Variants in UBAC2 observed in about 807,000 individuals in gnomAD.
The protein encoded by UBAC2 is UBA domain containing 2.
A neutral mutation model predicts 44.0 loss-of-function variants in UBAC2; 26 were observed. That is an observed-to-expected ratio of 0.59 (90% CI 0.43 to 0.82). The LOEUF is 0.82. Ranked by LOEUF, UBAC2 falls within the 40% of genes least tolerant of loss-of-function variation. The pLI is 0.00. For missense variants in UBAC2, 329 were observed against 419.4 expected, an observed-to-expected ratio of 0.78 and a Z score of 1.88; for synonymous variants, 155 against 154.3, an observed-to-expected ratio of 1.00 and a Z score of -0.04.
intron 7 of UBAC2, among the ~76,000 whole-genome samples, chr13:99,347,461 G>T (rs2045008662): frequency 6.6e-6 from 1 of 151,932 alleles, no homozygotes; most frequent in Non-Finnish European, 1.5e-5. Flanking sequence ...CTGGAAGTGG[G>T]GGAAGGTCAA....
chr13:99,310,324 C>T (rs72649512), intron 4 of UBAC2, among the ~76,000 whole-genome samples: 38,139 of 152,078 alleles, frequency 0.25, 5,971 homozygotes, highest in Non-Finnish European at 0.34. Context: ...TGACAGATAC[C>T]GGTGTCTCAA....
intron 1 of UBAC2, among the ~76,000 whole-genome samples, chr13:99,208,838 G>C (rs2042906325): frequency 6.6e-6 from 1 of 152,194 alleles, no homozygotes; most frequent in Non-Finnish European, 1.5e-5. Context: ...GCTTCAGTGG[G>C]CTCTTCAGAG....
chr13:99,210,605 G>A (rs1207781306), intron 1 of UBAC2, among the ~76,000 whole-genome samples: 1 of 151,626 alleles, frequency 6.6e-6, no homozygotes, highest in Non-Finnish European at 1.5e-5. Context: ...AGCCTCCTGA[G>A]TAGCTGGGAT....
chr13:99,328,281 C>G (rs2044667638), intron 6 of UBAC2, among the ~76,000 whole-genome samples: 1 of 152,044 alleles, frequency 6.6e-6, no homozygotes, highest in Non-Finnish European at 1.5e-5. Flanking sequence ...GAGTTGCTTC[C>G]AGGTTTGGAT....
At chr13:99,317,393 C>G (rs553028553) in intron 5 of UBAC2, among the ~76,000 whole-genome samples, 1 of 152,144 alleles carries the variant, frequency 6.6e-6, no homozygotes, top group South Asian at 2.1e-4. Flanking sequence ...AAGATATAAA[C>G]GATTTGGAAA....
chr13:99,232,399 G>GATATATATATATATATATATATATATAT lies in UBAC2; in HGVS notation c.32-6023_32-6022insTATATATATATATATATATATATATATA, dbSNP rs1555321112. ...AGACCCTGTCCATCCTTAGTTGAGA[G>GATATATATATATATATATATATATATAT]ATATAGATATATATATATATATTCA... is the stretch of plus-strand genomic sequence containing the variant. On this transcript the variant is annotated intron_variant, in intron 1 of 8. Transcript: ENST00000403766. 3.3e-3 allele frequency among the ~76,000 whole-genome samples: 365 copies of GATATATATATATATATATATATATATAT among 109,780 alleles called. 27 individuals carry two copies. The highest frequency in any genetic ancestry group is 8.0e-3 in the East Asian group (27 of 3,374). The allele number at this position is 109,780 out of a possible 152,430, so 72.0% of individuals were successfully genotyped here. A position where few individuals can be genotyped will look rare whatever the true frequency, so the allele number is the denominator to read the frequency against.
chr13:99,205,861 C>G (rs2042865501), intron 1 of UBAC2: 1 of 160,442 alleles, frequency 6.2e-6, no homozygotes, highest in African/African-American at 2.4e-5. Context: ...AGAGGACGAC[C>G]ATCCCCGATA....
At chr13:99,226,134 G>A (rs2043107551) in intron 1 of UBAC2, among the ~76,000 whole-genome samples, 1 of 152,166 alleles carries the variant, frequency 6.6e-6, no homozygotes, top group African/African-American at 2.4e-5. Flanking sequence ...TTGCAGACTG[G>A]TTATTTTGAG....
At chr13:99,327,024 A>C (rs1049435694) in intron 6 of UBAC2, among the ~76,000 whole-genome samples, 1 of 152,084 alleles carries the variant, frequency 6.6e-6, no homozygotes, top group African/African-American at 2.4e-5. Flanking sequence ...AGCAGACTCT[A>C]TTTTCTTCGT....
intron 8 of UBAC2, among the ~76,000 whole-genome samples, chr13:99,371,559 AGTTT>A (rs1314969921): frequency 1.3e-5 from 2 of 152,214 alleles, no homozygotes; most frequent in African/African-American, 4.8e-5. Flanking sequence ...TCTCTTGGCC[AGTTT>A]GTTTAACCAC....
chr13:99,378,705 G>A lies in UBAC2; in HGVS notation c.928-6523G>A, dbSNP rs146440940. ...ATCACTGAACATAGCACAGGCCAGA[G>A]GTTGTGTCAGGCTTGCATAGCTGTG... On this transcript the variant is annotated intron_variant, in intron 8 of 8. Transcript: ENST00000403766. Among the ~76,000 whole-genome samples the A allele has an allele frequency of 1.9e-4, 29 of 152,336 alleles. No homozygotes were observed. The East Asian group carries it at 5.6e-3, about 29-fold the overall frequency.
intron 6 of UBAC2, among the ~76,000 whole-genome samples, chr13:99,329,505 A>G (rs2138803458): frequency 6.6e-6 from 1 of 152,342 alleles, no homozygotes; most frequent in East Asian, 1.9e-4. Flanking sequence ...TATAATGAAT[A>G]GAATGTGGCA....
rs768838568 is a variant in UBAC2 at position 99,232,397 on chromosome 13, G to GATATATATATATATATATATATAT, written c.32-6029_32-6028insTATATATATATATATATATATATA. Among the ~76,000 whole-genome samples the GATATATATATATATATATATATAT allele has an allele frequency of 6.7e-3, 551 of 82,034 alleles. 32 individuals carry two copies. Among genetic ancestry groups the GATATATATATATATATATATATAT allele is most frequent in the Non-Finnish European group, 1.0e-2 (326 of 32,762 alleles). 53.8% of individuals were successfully genotyped at this position (82,034 alleles called of 152,430 possible). ...CAAGACCCTGTCCATCCTTAGTTGA[G>GATATATATATATATATATATATAT]AGATATAGATATATATATATATATT... On this transcript the variant is annotated intron_variant, in intron 1 of 8. Transcript: ENST00000403766.
chr13:99,322,808 T>G (rs2044586638), intron 6 of UBAC2, among the ~76,000 whole-genome samples: 1 of 152,194 alleles, frequency 6.6e-6, no homozygotes, highest in African/African-American at 2.4e-5. Flanking sequence ...GGTGCAAGAT[T>G]ACAGAAGCCT....
At chr13:99,292,718 G>GGTT (rs1555327230) in intron 4 of UBAC2, among the ~76,000 whole-genome samples, 1 of 148,080 alleles carries the variant, frequency 6.8e-6, no homozygotes, top group Non-Finnish European at 1.5e-5. Context: ...AGCTTTGAGG[G>GGTT]TTTTTTTTTT....
intron 6 of UBAC2, among the ~76,000 whole-genome samples, chr13:99,319,682 A>G (rs543355511): frequency 1.6e-4 from 24 of 152,286 alleles, no homozygotes; most frequent in South Asian, 2.1e-4. Flanking sequence ...GCTAAACCCT[A>G]TTGTGAAGTC....
At chr13:99,299,541 C>T (rs185961660) in intron 4 of UBAC2, among the ~76,000 whole-genome samples, 1 of 152,138 alleles carries the variant, frequency 6.6e-6, no homozygotes, top group African/African-American at 2.4e-5. Flanking sequence ...CTCATATATT[C>T]TAGATTTTTA....
At chr13:99,211,013 A>G (rs1013323403) in intron 1 of UBAC2, among the ~76,000 whole-genome samples, 3 of 152,186 alleles carry the variant, frequency 2.0e-5, no homozygotes, top group African/African-American at 7.2e-5. Context: ...CTTAACTTTC[A>G]GATATTCATA....
intron 1 of UBAC2, among the ~76,000 whole-genome samples, chr13:99,222,042 G>A (rs542360819): frequency 5.3e-5 from 8 of 152,266 alleles, no homozygotes; most frequent in East Asian, 3.9e-4. Context: ...GGTTTAAACC[G>A]TGTAAGTAAT....
Sources: allele counts gnomAD v4.1 joint callset (sites outside exome capture counted in the v4.1 genomes callset), GRCh38; gene constraint gnomAD v4.1.1; transcripts MANE v1.5; gene names NCBI Gene and HGNC (gene_info 2026-07-23, HGNC 2026-07-21).